The following RASGEF1A variants were observed in gnomAD, a reference collection of about 807,000 sequenced individuals.
RASGEF1A encodes the protein RasGEF domain family member 1A.
RASGEF1A carries 18 observed loss-of-function variants against 56.4 expected under a neutral mutation model. That is an observed-to-expected ratio of 0.32 (90% CI 0.22 to 0.47). The LOEUF is 0.47. Ranked by LOEUF, RASGEF1A falls within the 20% of genes least tolerant of loss-of-function variation. The pLI, the probability that RASGEF1A is intolerant of heterozygous loss-of-function variation, is 1.00. For synonymous variants in RASGEF1A, 245 were observed against 242.6 expected, an observed-to-expected ratio of 1.01 and a Z score of -0.09; for missense variants, 422 against 627.1, an observed-to-expected ratio of 0.67 and a Z score of 3.49.
intron 1 of RASGEF1A, among the ~76,000 whole-genome samples, chr10:43,225,900 G>A (rs549276695): frequency 4.6e-5 from 7 of 152,304 alleles, no homozygotes; most frequent in South Asian, 2.1e-4. Flanking sequence ...AGAGGAGGGC[G>A]GCGCTCTGAC....
At chr10:43,228,663 T>C (rs975812634) in intron 1 of RASGEF1A, among the ~76,000 whole-genome samples, 1 of 152,210 alleles carries the variant, frequency 6.6e-6, no homozygotes, top group South Asian at 2.1e-4. Context: ...CCCTCACCGA[T>C]GAACTCCTCA....
rs527855249 is a variant in RASGEF1A, at chr10:43,234,261, G to A, written c.-6-28139C>T. On this transcript the variant is annotated intron_variant, in intron 1 of 12. Transcript: ENST00000395810. ...TGGGCCAGGACAGGTAGAAGCTGTCGGCACCTCAGGGCCTATCTAGGTCTG... is the reference window on the plus strand; with the variant it reads ...TGGGCCAGGACAGGTAGAAGCTGTCAGCACCTCAGGGCCTATCTAGGTCTG... Among the ~76,000 whole-genome samples, 267 of 152,290 alleles carry A rather than the reference G, an allele frequency of 1.8e-3. 1 individual carries two copies. Among genetic ancestry groups the A allele is most frequent in the African/African-American group, 5.8e-3 (243 of 41,572 alleles).
chr10:43,238,473 T>G (rs532669807), intron 1 of RASGEF1A, among the ~76,000 whole-genome samples: 2 of 152,318 alleles, frequency 1.3e-5, no homozygotes, highest in East Asian at 3.9e-4. Flanking sequence ...TATATTTCAT[T>G]TAAGTTTAGT....
intron 1 of RASGEF1A, among the ~76,000 whole-genome samples, chr10:43,260,133 A>G (rs1252617722): frequency 1.3e-5 from 2 of 152,198 alleles, no homozygotes; most frequent in Admixed American, 6.5e-5. Flanking sequence ...CGCCCAGCAG[A>G]GCCCTTGGAC....
intron 1 of RASGEF1A, among the ~76,000 whole-genome samples, chr10:43,264,241 C>T (rs948044498): frequency 4.6e-5 from 7 of 151,282 alleles, no homozygotes; most frequent in East Asian, 2.0e-4. Flanking sequence ...CACTCTGGGC[C>T]GGCCCAGAGC....
intron 1 of RASGEF1A, among the ~76,000 whole-genome samples, chr10:43,265,855 G>A (rs1031594246): frequency 6.6e-6 from 1 of 152,216 alleles, no homozygotes; most frequent in African/African-American, 2.4e-5. Context: ...GGGAACCAAG[G>A]CCTCTGGGAG....
chr10:43,206,190 G>C (rs1409764579), intron 1 of RASGEF1A, 68 bp from the exon 2 acceptor site: 4 of 1,348,292 alleles, frequency 3.0e-6, no homozygotes, highest in South Asian at 1.3e-5. Context: ...CCTCCTCCCA[G>C]GCAGCCTGCA....
In RASGEF1A at chr10:43,261,375, G is replaced by A. The variant is rs184524922; in HGVS notation, c.-7+5470C>T. Among the ~76,000 whole-genome samples, 302 of 152,310 alleles carry A rather than the reference G, an allele frequency of 2.0e-3. 2 individuals carry two copies. Among genetic ancestry groups the A allele is most frequent in the African/African-American group, 6.2e-3 (258 of 41,562 alleles). ...ACGGGGCATAGAAGGCCCTGTCCCC[G>A]TAGCGGGGCTGAGCAGGAAGGGCCC... is the stretch of plus-strand genomic sequence containing the variant. On this transcript the variant is annotated intron_variant, in intron 1 of 12. Coordinates refer to ENST00000395810, the MANE Select transcript of RASGEF1A (RefSeq NM_145313.4).
intron 1 of RASGEF1A, among the ~76,000 whole-genome samples, chr10:43,246,609 T>C (rs1418301945): frequency 6.6e-6 from 1 of 152,080 alleles, no homozygotes; most frequent in African/African-American, 2.4e-5. Context: ...AGTCCAGAAA[T>C]AAACCCACAC....
chr10:43,265,335 A>G (rs7074964), intron 1 of RASGEF1A, among the ~76,000 whole-genome samples: 97,944 of 152,144 alleles, frequency 0.64, 32,515 homozygotes, highest in Non-Finnish European at 0.73. Context: ...TGCTTGGTTC[A>G]CAAACCCAGG....
At chr10:43,236,949 C>G (rs543685613) in intron 1 of RASGEF1A, among the ~76,000 whole-genome samples, 2 of 151,930 alleles carry the variant, frequency 1.3e-5, no homozygotes, top group South Asian at 4.2e-4. Flanking sequence ...TCAGGGCCAG[C>G]CTAACCTTGT....
rs1839942107 is a variant in RASGEF1A, at chr10:43,203,420, T to C, written c.199A>G (p.Arg67Gly). 2.6e-6 allele frequency: 4 copies of C among 1,552,026 alleles called. No individual in the cohort carries two copies. In the East Asian group the frequency reaches 9.5e-5, roughly 37 times the overall value. The change falls in exon 3 of 13, where the codon AGG (arginine) becomes GGG (glycine). Residue 67 changes from arginine (R) to glycine (G), a missense_variant and splice_region_variant. Physicochemically the swap from Arg to Gly is moderately radical, Grantham distance 125. This residue lies in a region of RASGEF1A where 273 missense variants were observed against 339.9 expected (regional missense o/e 0.80). Transcript: ENST00000395810. Reference protein sequence around the residue: ...LVPTVDYYPDRTYIFTFLLSS... With the variant: ...LVPTVDYYPDGTYIFTFLLSS... The stretch of plus-strand genomic sequence containing the variant: ...AGGAGAAAGGTGAAGATGTACGTCC[T>C]CTGAAGGCAGGAGACGGAGAGAGGG...
At chr10:43,198,310 G>A (rs1385197260) in intron 9 of RASGEF1A, 115 bp from the exon 10 acceptor site, 7 of 960,762 alleles carry the variant, frequency 7.3e-6, no homozygotes, top group East Asian at 2.7e-5. Context: ...TGGCCCCTGG[G>A]CAGCCTGGGA....
At chr10:43,215,201 C>T (rs1179811610) in intron 1 of RASGEF1A, among the ~76,000 whole-genome samples, 1 of 152,174 alleles carries the variant, frequency 6.6e-6, no homozygotes. Flanking sequence ...CCCTCAGGGC[C>T]CATCATGCAT....
intron 1 of RASGEF1A, among the ~76,000 whole-genome samples, chr10:43,235,697 G>A (rs1416639881): frequency 6.6e-6 from 1 of 152,202 alleles, no homozygotes; most frequent in African/African-American, 2.4e-5. Context: ...TGGTCCAGGG[G>A]AAGAGAGCCC....
At chr10:43,228,769 G>C (rs1840316675) in intron 1 of RASGEF1A, among the ~76,000 whole-genome samples, 1 of 152,218 alleles carries the variant, frequency 6.6e-6, no homozygotes, top group Admixed American at 6.5e-5. Context: ...TTGTTCCTCT[G>C]CTGTGTGGGC....
Position 43,257,663 on chromosome 10 carries a change from C to T in RASGEF1A, c.-7+9182G>A, listed in dbSNP as rs149538739. 4.9e-3 allele frequency among the ~76,000 whole-genome samples: 745 copies of T among 152,338 alleles called. 9 individuals carry two copies. The highest frequency in any genetic ancestry group is 0.017 in the African/African-American group (700 of 41,580). Reference sequence around the variant, plus strand: ...TGGGCAACAACAGGGTCCAGGGTCCCGTCAGCGGTGCCCTCCCCATTCTAA... The same window carrying T: ...TGGGCAACAACAGGGTCCAGGGTCCTGTCAGCGGTGCCCTCCCCATTCTAA... On this transcript the variant is annotated intron_variant, in intron 1 of 12. Transcript: ENST00000395810.
chr10:43,201,754 G>A (rs1433038167), intron 4 of RASGEF1A, 54 bp downstream of exon 4: 5 of 1,466,228 alleles, frequency 3.4e-6, no homozygotes, highest in Non-Finnish European at 4.6e-6. Context: ...CCCTCCCGAG[G>A]GCAGACCCTG....
Position 43,199,889 on chromosome 10 carries a change from C to A in RASGEF1A, c.757-121G>T. 5 of 848,076 alleles carry A rather than the reference C, an allele frequency of 5.9e-6. No homozygotes were observed. The South Asian group carries it at 7.6e-5, about 13-fold the overall frequency. The allele number at this position is 848,076 out of a possible 1,614,324, so 52.5% of individuals were successfully genotyped here. Reference sequence around the variant, plus strand: ...CTGCACCGCAGCAGCCTCAATCATGCCTGCGTGCTCCTTGCTGCCCAGTGC... The same window carrying A: ...CTGCACCGCAGCAGCCTCAATCATGACTGCGTGCTCCTTGCTGCCCAGTGC... On this transcript the variant is annotated intron_variant, in intron 6 of 12. Coordinates refer to ENST00000395810, the MANE Select transcript of RASGEF1A (RefSeq NM_145313.4).
Sources: allele counts gnomAD v4.1 joint callset (sites outside exome capture counted in the v4.1 genomes callset), GRCh38; gene constraint gnomAD v4.1.1; regional missense constraint gnomAD v4.1.1; transcripts MANE v1.5; gene names NCBI Gene and HGNC (gene_info 2026-07-23, HGNC 2026-07-21).